Variants in PTPRK observed in about 807,000 individuals in gnomAD.
PTPRK encodes the protein receptor-type tyrosine-protein phosphatase kappa.
In PTPRK, 75 loss-of-function variants were observed where a neutral mutation model predicts 178.0. The ratio of observed to expected loss-of-function variants is 0.42; its 90% CI spans 0.35 to 0.51. PTPRK has a LOEUF of 0.51. PTPRK is among the 20% of genes least tolerant of loss of function. PTPRK has a pLI of 0.02. For missense variants in PTPRK, 1,441 were observed against 1,797.8 expected, an observed-to-expected ratio of 0.80 and a Z score of 3.59; for synonymous variants, 637 against 620.6, an observed-to-expected ratio of 1.03 and a Z score of -0.39.
At chr6:128,042,742 A>G (rs555327182) in intron 13 of PTPRK, among the ~76,000 whole-genome samples, 23 of 152,212 alleles carry the variant, frequency 1.5e-4, no homozygotes, top group Non-Finnish European at 2.6e-4. Flanking sequence ...GTGGGGGGAC[A>G]TTATTCAGCC....
At position 128,451,311 on chromosome 6, in the gene PTPRK, A is replaced by G. The variant is rs577844359; in HGVS notation, c.101-53623T>C. On this transcript the variant is annotated intron_variant, in intron 1 of 29. Transcript: ENST00000368226. ...AAGATCCACCCAAACTACAAAAAAC[A>G]CCAATCTATTTTAACAAAACAGAGT... Among the ~76,000 whole-genome samples the G allele has an allele frequency of 3.9e-5, 6 of 152,360 alleles. No individual in the cohort carries two copies. In the South Asian group the frequency reaches 1.2e-3, roughly 32 times the overall value.
At chr6:128,034,181 C>T (rs1027545513) in intron 13 of PTPRK, among the ~76,000 whole-genome samples, 1 of 152,158 alleles carries the variant, frequency 6.6e-6, no homozygotes, top group Non-Finnish European at 1.5e-5. Context: ...ACATTCTTTT[C>T]ACCAGAAACA....
At chr6:128,406,689 C>G (rs1156447515) in intron 1 of PTPRK, among the ~76,000 whole-genome samples, 1 of 152,166 alleles carries the variant, frequency 6.6e-6, no homozygotes, top group African/African-American at 2.4e-5. Context: ...AGACAGCACT[C>G]TGGGTTTTAA....
At chr6:128,439,815 T>A (rs980438967) in intron 1 of PTPRK, among the ~76,000 whole-genome samples, 1 of 152,246 alleles carries the variant, frequency 6.6e-6, no homozygotes, top group Non-Finnish European at 1.5e-5. Context: ...AACCATGTGC[T>A]AATTCCAAGC....
intron 1 of PTPRK, among the ~76,000 whole-genome samples, chr6:128,503,782 C>A (rs910000380): frequency 1.3e-5 from 2 of 151,902 alleles, no homozygotes; most frequent in African/African-American, 2.4e-5. Context: ...AAGCAATCCT[C>A]CAGCCTCAGC....
intron 1 of PTPRK, among the ~76,000 whole-genome samples, chr6:128,494,528 G>C (rs1374408705): frequency 6.6e-6 from 1 of 152,080 alleles, no homozygotes. Flanking sequence ...CTCAGCGGGA[G>C]CACTGCAGTT....
intron 2 of PTPRK, among the ~76,000 whole-genome samples, chr6:128,364,657 C>T (rs546133640): frequency 2.0e-5 from 3 of 152,112 alleles, no homozygotes; most frequent in Admixed American, 1.3e-4. Context: ...AAATAACCTC[C>T]TCCTAAGCAG....
chr6:128,019,388 T>G (rs1351328299), intron 13 of PTPRK, among the ~76,000 whole-genome samples: 1 of 151,924 alleles, frequency 6.6e-6, no homozygotes, highest in Non-Finnish European at 1.5e-5. Context: ...AACTACTACC[T>G]AACAAAAAGA....
intron 2 of PTPRK, among the ~76,000 whole-genome samples, chr6:128,369,206 T>G (rs970496156): frequency 6.6e-6 from 1 of 152,142 alleles, no homozygotes; most frequent in African/African-American, 2.4e-5. Context: ...CACTTCTATA[T>G]TCCTGAAGAA....
chr6:128,209,730 T>C (rs1166731130), intron 6 of PTPRK, among the ~76,000 whole-genome samples: 2 of 152,086 alleles, frequency 1.3e-5, no homozygotes, highest in Non-Finnish European at 2.9e-5. Context: ...AGGAGACAGA[T>C]GTTATGAATG....
At chr6:128,169,783 ATG>A (rs10552787) in intron 7 of PTPRK, among the ~76,000 whole-genome samples, 54,700 of 145,188 alleles carry the variant, frequency 0.38, 10,904 homozygotes, top group African/African-American at 0.52. Context: ...TATTTTTTTA[ATG>A]TGTGTGTGTG....
chr6:128,330,591 C>G (rs1414875414), intron 2 of PTPRK, among the ~76,000 whole-genome samples: 1 of 152,130 alleles, frequency 6.6e-6, no homozygotes, highest in East Asian at 1.9e-4. Flanking sequence ...CTCCTATTAC[C>G]TCTCAGGAGG....
chr6:128,316,377 T>C (rs982944968), intron 3 of PTPRK, among the ~76,000 whole-genome samples: 8 of 152,208 alleles, frequency 5.3e-5, no homozygotes, highest in Non-Finnish European at 8.8e-5. Flanking sequence ...GCTCATTATT[T>C]TTCAATCAGT....
In PTPRK at chr6:128,345,622, C is replaced by T. The variant is rs557735934; in HGVS notation, c.224-23312G>A. On this transcript the variant is annotated intron_variant, in intron 2 of 29. Transcript: ENST00000368226. ...TAGGTTATGATGCGAAGCTTAGCTT[C>T]AGGAGAAGCAAGAATGTTTTTCAAT... 2.3e-3 allele frequency among the ~76,000 whole-genome samples: 354 copies of T among 152,332 alleles called. 3 individuals carry two copies. The highest frequency in any genetic ancestry group is 4.1e-3 in the Non-Finnish European group (282 of 68,020).
chr6:128,307,255 G>A (rs1362638325), intron 3 of PTPRK, among the ~76,000 whole-genome samples: 3 of 144,890 alleles, frequency 2.1e-5, no homozygotes, highest in Admixed American at 6.8e-5. Context: ...AAAAAACACA[G>A]AAAAAAATGT....
intron 7 of PTPRK, among the ~76,000 whole-genome samples, chr6:128,099,144 T>C (rs1788377826): frequency 6.6e-6 from 1 of 151,238 alleles, no homozygotes; most frequent in Non-Finnish European, 1.5e-5. Flanking sequence ...GGAATTTCTT[T>C]ACTCTTGACT....
chr6:128,391,790 TAATAAATTATTACTAAATTA>T (rs1839615314), intron 2 of PTPRK, among the ~76,000 whole-genome samples: 1 of 151,700 alleles, frequency 6.6e-6, no homozygotes, highest in Non-Finnish European at 1.5e-5. Context: ...AATATTATTT[TAATAAATTATTACTAAATTA>T]AATAAATTAT....
rs150380368 is a variant in PTPRK at position 128,257,993 on chromosome 6, T to A, written c.496-15391A>T. Among the ~76,000 whole-genome samples the A allele has an allele frequency of 2.2e-3, 328 of 152,272 alleles. 1 individual carries two copies. Among genetic ancestry groups the A allele is most frequent in the African/African-American group, 7.4e-3 (308 of 41,584 alleles). ...ACCTAAACTTTATTGTCATGGCTCATAATAAATCCTGGGAGAAAGAAAAAT... is the reference window on the plus strand; with the variant it reads ...ACCTAAACTTTATTGTCATGGCTCAAAATAAATCCTGGGAGAAAGAAAAAT... On this transcript the variant is annotated intron_variant, in intron 3 of 29. Transcript: ENST00000368226.
intron 7 of PTPRK, among the ~76,000 whole-genome samples, chr6:128,116,918 G>C (rs533993893): frequency 3.3e-5 from 5 of 152,100 alleles, no homozygotes; most frequent in Non-Finnish European, 7.4e-5. Context: ...AGGCCGAGGC[G>C]TGTGGATCAC....
Sources: allele counts gnomAD v4.1 joint callset (sites outside exome capture counted in the v4.1 genomes callset), GRCh38; gene constraint gnomAD v4.1.1; transcripts MANE v1.5; gene names NCBI Gene and HGNC (gene_info 2026-07-23, HGNC 2026-07-21).